SLC25A21: variants seen among roughly 807,000 people sequenced by gnomAD.
SLC25A21 encodes mitochondrial 2-oxodicarboxylate carrier.
A neutral mutation model predicts 43.8 loss-of-function variants in SLC25A21; 47 were observed. The ratio of observed to expected loss-of-function variants is 1.07; its 90% CI spans 0.85 to 1.37. The LOEUF (loss-of-function observed/expected upper bound fraction) is 1.37, where lower values mean the gene tolerates loss of function less well. SLC25A21 is among the 40% of genes most tolerant of loss of function. SLC25A21 has a pLI of 0.00. For synonymous variants in SLC25A21, 131 were observed against 121.3 expected (o/e 1.08, Z -0.52); for missense variants, 352 against 350.2 (o/e 1.00, Z -0.04).
intron 1 of SLC25A21, among the ~76,000 whole-genome samples, chr14:37,002,815 C>A (rs1245892279): frequency 1.3e-5 from 2 of 152,164 alleles, no homozygotes; most frequent in Admixed American, 1.3e-4. Flanking sequence ...TGCTTTCTTT[C>A]CAGTAACTCC....
intron 2 of SLC25A21, among the ~76,000 whole-genome samples, chr14:36,867,174 T>A (rs973536758): frequency 2.0e-5 from 3 of 152,146 alleles, no homozygotes; most frequent in African/African-American, 4.8e-5. Context: ...CATTACCTAC[T>A]TCTTTCCCAA....
At chr14:37,161,978 A>AAG (rs1555350829) in intron 1 of SLC25A21, among the ~76,000 whole-genome samples, 4 of 150,546 alleles carry the variant, frequency 2.7e-5, no homozygotes, top group Non-Finnish European at 5.9e-5. Flanking sequence ...AAAAAAAAAA[A>AAG]AAAAAGAAAT....
At chr14:36,879,214 A>T (rs182420089) in intron 1 of SLC25A21, among the ~76,000 whole-genome samples, 242 of 152,324 alleles carry the variant, frequency 1.6e-3, no homozygotes, top group African/African-American at 5.6e-3. Context: ...ACCACATGAC[A>T]GTATGAAAAT....
chr14:36,693,205 A>G (rs1882867877), intron 7 of SLC25A21, among the ~76,000 whole-genome samples: 1 of 152,224 alleles, frequency 6.6e-6, no homozygotes, highest in South Asian at 2.1e-4. Context: ...AATCACTTTA[A>G]AATTTCCCAT....
chr14:36,960,905 A>T (rs1959473501), intron 1 of SLC25A21, among the ~76,000 whole-genome samples: 1 of 152,218 alleles, frequency 6.6e-6, no homozygotes, highest in Admixed American at 6.5e-5. Context: ...ATAATCAGAA[A>T]TAGGAAAGTG....
chr14:37,115,003 G>T (rs1015650715), intron 1 of SLC25A21, among the ~76,000 whole-genome samples: 1 of 152,150 alleles, frequency 6.6e-6, no homozygotes, highest in Non-Finnish European at 1.5e-5. Flanking sequence ...CAAGGAGACT[G>T]AAATAGTGAC....
At chr14:36,690,850 T>G (rs79200617) in intron 7 of SLC25A21, among the ~76,000 whole-genome samples, 2,797 of 152,302 alleles carry the variant, frequency 0.018, 49 homozygotes, top group African/African-American at 0.054. Context: ...AGACATACTA[T>G]TATAGTGAGT....
intron 1 of SLC25A21, among the ~76,000 whole-genome samples, chr14:37,074,630 G>A (rs534793119): frequency 1.3e-5 from 2 of 152,168 alleles, no homozygotes; most frequent in East Asian, 1.9e-4. Context: ...TCAGTAGTTC[G>A]AGACCAGCCT....
At chr14:36,897,789 T>G (rs964802755) in intron 1 of SLC25A21, among the ~76,000 whole-genome samples, 6 of 152,226 alleles carry the variant, frequency 3.9e-5, no homozygotes, top group Non-Finnish European at 5.9e-5. Context: ...TGGAGTTTGC[T>G]GGAGGTCCAC....
At chr14:36,846,838 G>A (rs1889560248) in intron 2 of SLC25A21, among the ~76,000 whole-genome samples, 4 of 152,200 alleles carry the variant, frequency 2.6e-5, no homozygotes, top group Non-Finnish European at 5.9e-5. Context: ...TTCCATGGAA[G>A]GAGATGAACA....
chr14:36,927,174 C>T (rs1892155346), intron 1 of SLC25A21, among the ~76,000 whole-genome samples: 1 of 152,116 alleles, frequency 6.6e-6, no homozygotes. Flanking sequence ...CGTCTTAAAA[C>T]AAAAGAAAAA....
intron 1 of SLC25A21, among the ~76,000 whole-genome samples, chr14:36,920,656 C>T (rs1424502570): frequency 2.6e-5 from 4 of 151,984 alleles, no homozygotes; most frequent in African/African-American, 4.8e-5. Context: ...ATTATTTTTA[C>T]CTCCATTCTT....
At chr14:36,871,181 G>A (rs927751761) in intron 2 of SLC25A21, among the ~76,000 whole-genome samples, 2 of 151,864 alleles carry the variant, frequency 1.3e-5, no homozygotes, top group Non-Finnish European at 2.9e-5. Context: ...ATCAGGAGTG[G>A]GGCCTTTAGG....
At chr14:36,817,962 T>A (rs184794905) in intron 2 of SLC25A21, among the ~76,000 whole-genome samples, 29 of 152,326 alleles carry the variant, frequency 1.9e-4, no homozygotes, top group African/African-American at 6.5e-4. Context: ...CAATCTATTG[T>A]TCATTCAGTT....
intron 1 of SLC25A21, among the ~76,000 whole-genome samples, chr14:36,910,037 A>C (rs113390107): frequency 0.028 from 4,199 of 152,246 alleles, 125 homozygotes; most frequent in Middle Eastern, 0.071. Context: ...AAGGGATATA[A>C]GCGCTACTCT....
In SLC25A21 at chr14:36,997,446, G is replaced by A. The variant is rs571272081; in HGVS notation, c.71-122442C>T. Among the ~76,000 whole-genome samples the A allele has an allele frequency of 1.4e-3, 211 of 152,270 alleles. 1 individual carries two copies. Among genetic ancestry groups the A allele is most frequent in the African/African-American group, 4.8e-3 (201 of 41,556 alleles). On this transcript the variant is annotated intron_variant, in intron 1 of 9. Coordinates refer to ENST00000331299, the MANE Select transcript of SLC25A21 (RefSeq NM_030631.4). ...AGCTGAATGTGGCAATAAAATAACT[G>A]TTAGTTAAGAATAAATATTACTTCA...
intron 2 of SLC25A21, among the ~76,000 whole-genome samples, chr14:36,847,246 G>C (rs1889574932): frequency 6.6e-6 from 1 of 152,194 alleles, no homozygotes; most frequent in Non-Finnish European, 1.5e-5. Context: ...ATGGTTGAAT[G>C]GGTGAGTAAA....
chr14:36,723,753 T>C (rs781561886), intron 6 of SLC25A21, among the ~76,000 whole-genome samples: 1 of 152,156 alleles, frequency 6.6e-6, no homozygotes, highest in African/African-American at 2.4e-5. Context: ...AAAAAGAACA[T>C]TAGCATGAGC....
chr14:36,701,660 A>G (rs756472792), intron 7 of SLC25A21, among the ~76,000 whole-genome samples: 1 of 152,182 alleles, frequency 6.6e-6, no homozygotes, highest in African/African-American at 2.4e-5. Flanking sequence ...TCTCCTGTAT[A>G]TATTTCACAG....
Sources: allele counts gnomAD v4.1 joint callset (sites outside exome capture counted in the v4.1 genomes callset), GRCh38; gene constraint gnomAD v4.1.1; transcripts MANE v1.5; gene names NCBI Gene and HGNC (gene_info 2026-07-23, HGNC 2026-07-21).